The following PALD1 variants were observed in gnomAD, a reference collection of about 807,000 sequenced individuals.
PALD1 encodes paladin.
In PALD1, 57 loss-of-function variants were observed where a neutral mutation model predicts 96.0. The observed-to-expected ratio is 0.59, with a 90% confidence interval of 0.48 to 0.74. The LOEUF is 0.74. PALD1 is among the 30% of genes least tolerant of loss of function. PALD1 has a pLI of 0.00. For synonymous variants in PALD1, 464 were observed against 473.6 expected (o/e 0.98, Z 0.26); for missense variants, 1,063 against 1,143.7 (o/e 0.93, Z 1.02).
At chr10:70,529,812 A>G (rs1450712726) in intron 3 of PALD1, 77 bp from the exon 4 acceptor site, 2 of 1,319,414 alleles carry the variant, frequency 1.5e-6, no homozygotes, top group Non-Finnish European at 2.1e-6. Flanking sequence ...TGTCCCCTGG[A>G]GCCCAGGACA....
At chr10:70,534,993 T>C (rs1455565106) in intron 10 of PALD1, 150 bp downstream of exon 10, 14 of 641,894 alleles carry the variant, frequency 2.2e-5, no homozygotes, top group Middle Eastern at 3.6e-4. Context: ...GAAGGGGAGA[T>C]AGGGGCTCTG....
At chr10:70,543,988 C>T (rs957330820) in intron 17 of PALD1, among the ~76,000 whole-genome samples, 11 of 152,154 alleles carry the variant, frequency 7.2e-5, no homozygotes, top group African/African-American at 2.7e-4. Flanking sequence ...ATCATATGAC[C>T]TGAAGACACC....
intron 18 of PALD1, among the ~76,000 whole-genome samples, chr10:70,549,833 A>G (rs1261294868): frequency 6.6e-6 from 1 of 152,144 alleles, no homozygotes; most frequent in Non-Finnish European, 1.5e-5. Flanking sequence ...AGAGGTGGTC[A>G]CTCTGGCTGC....
intron 1 of PALD1, among the ~76,000 whole-genome samples, chr10:70,481,563 G>C (rs988719417): frequency 1.3e-5 from 2 of 152,238 alleles, no homozygotes; most frequent in African/African-American, 4.8e-5. Flanking sequence ...TGGATCTCCA[G>C]AGGCTTCCTG....
At chr10:70,520,647 A>G (rs1846711321) in intron 1 of PALD1, among the ~76,000 whole-genome samples, 2 of 150,954 alleles carry the variant, frequency 1.3e-5, no homozygotes, top group Middle Eastern at 3.5e-3. Context: ...CTCTCTGCCA[A>G]GGACTCCATA....
rs45576535 is a variant in PALD1 at position 70,538,924 on chromosome 10, C to T, written c.1485C>T (p.Leu495=). 16,053 of 1,613,700 alleles carry T rather than the reference C, an allele frequency of 9.9e-3. 122 individuals are homozygous for T. Among genetic ancestry groups the T allele is most frequent in the African/African-American group, 0.033 (2,486 of 75,078 alleles). ...REDDLVSPDA[L]STVREMDVAN... is the part of the protein sequence containing the mutation. ...ACGATCTGGTCTCCCCGGACGCGCT[C>T]AGCACTGTCAGAGAGATGGATGTGG... Residue 495 remains leucine (L), a synonymous_variant, in exon 13 of 20, where the codon CTC becomes CTT. Transcript: ENST00000263563.
At chr10:70,547,547 TA>T in intron 18 of PALD1, 101 bp downstream of exon 18, 1 of 791,852 alleles carries the variant, frequency 1.3e-6, no homozygotes, top group Non-Finnish European at 1.9e-6. Flanking sequence ...CTAGGGGTCC[TA>T]GGGGCCCCTC....
chr10:70,537,791 C>T lies in PALD1; in HGVS notation c.1228-20C>T, dbSNP rs1847144572. On this transcript the variant is annotated intron_variant, in intron 10 of 19. Transcript: ENST00000263563. ...GACTGCCTGAGGAGTCTGTCCTTAACACCCTGTCCTCTCTCTCAGGGAAGC... is the reference window on the plus strand; with the variant it reads ...GACTGCCTGAGGAGTCTGTCCTTAATACCCTGTCCTCTCTCTCAGGGAAGC... The T allele has an allele frequency of 1.3e-6, 2 of 1,571,024 alleles. No individual in the cohort carries two copies. Among genetic ancestry groups the T allele is most frequent in the African/African-American group, 1.3e-5 (1 of 74,320 alleles).
chr10:70,475,784 C>T (rs527781746), upstream of PALD1, among the ~76,000 whole-genome samples: 132 of 152,102 alleles, frequency 8.7e-4, no homozygotes, highest in African/African-American at 3.0e-3. Context: ...AGCACCAGCA[C>T]CTTGCTTGGG....
chr10:70,563,518 GC>G (rs1430276945), intron 18 of PALD1, among the ~76,000 whole-genome samples: 1 of 152,184 alleles, frequency 6.6e-6, no homozygotes, highest in Non-Finnish European at 1.5e-5. Flanking sequence ...ATGCCCCACA[GC>G]CTCCCCTGCA....
rs1043035625 is a variant in PALD1, at chr10:70,567,768, A to C, written c.*1035A>C. 4 of 152,448 alleles carry C rather than the reference A, an allele frequency of 2.6e-5. No individual in the cohort carries two copies. The highest frequency in any genetic ancestry group is 9.7e-5 in the African/African-American group (4 of 41,392). 9.4% of individuals were successfully genotyped at this position (152,448 alleles called of 1,614,324 possible). A position where few individuals can be genotyped will look rare whatever the true frequency, so the allele number is the denominator to read the frequency against. Reference sequence around the variant, plus strand: ...TTCCGGTGGGAGCAGAAAAGGCCAGACCCTGCTGAGTTAGAGGCTGCTGGG... The same window carrying C: ...TTCCGGTGGGAGCAGAAAAGGCCAGCCCCTGCTGAGTTAGAGGCTGCTGGG... On this transcript the variant is annotated 3_prime_UTR_variant, in exon 20 of 20. Transcript: ENST00000263563.
rs977193423 is a variant in PALD1, at chr10:70,564,280, G to A, written c.2263-84G>A. 2.7e-5 allele frequency: 37 copies of A among 1,368,514 alleles called. No individual in the cohort carries two copies. In the African/African-American group the frequency reaches 4.8e-4, roughly 18 times the overall value. The allele number at this position is 1,368,514 out of a possible 1,614,324, so 84.8% of individuals were successfully genotyped here. On this transcript the variant is annotated intron_variant, in intron 18 of 19. Coordinates refer to ENST00000263563, the MANE Select transcript of PALD1 (RefSeq NM_014431.3). Reference sequence around the variant, plus strand: ...TCTGAGGCTGGATCACCCTGCCCTGGCACTCAGGGCAGCAGGGTGGCATGT... The same window carrying A: ...TCTGAGGCTGGATCACCCTGCCCTGACACTCAGGGCAGCAGGGTGGCATGT...
At chr10:70,549,995 C>CCT (rs1278046614) in intron 18 of PALD1, among the ~76,000 whole-genome samples, 1 of 152,212 alleles carries the variant, frequency 6.6e-6, no homozygotes, top group East Asian at 1.9e-4. Context: ...CCCCAAGGCC[C>CCT]CTTGGAGGGC....
At chr10:70,534,630 T>A in intron 9 of PALD1, 106 bp downstream of exon 9, 1 of 1,156,676 alleles carries the variant, frequency 8.6e-7, no homozygotes. Context: ...CCTACCTCTC[T>A]GCCAATCTTT....
chr10:70,519,879 A>G (rs1378775924), intron 1 of PALD1, among the ~76,000 whole-genome samples: 1 of 151,362 alleles, frequency 6.6e-6, no homozygotes, highest in African/African-American at 2.5e-5. Context: ...CCAGCCTGGG[A>G]TTAGGATTTT....
At chr10:70,537,726 G>A in intron 10 of PALD1, 85 bp from the exon 11 acceptor site, 1 of 871,448 alleles carries the variant, frequency 1.1e-6, no homozygotes, top group South Asian at 1.5e-5. Flanking sequence ...GGAGTTCCAA[G>A]GCTTAACTCC....
At chr10:70,561,993 G>C (rs1283335834) in intron 18 of PALD1, among the ~76,000 whole-genome samples, 2 of 152,240 alleles carry the variant, frequency 1.3e-5, no homozygotes, top group Non-Finnish European at 2.9e-5. Flanking sequence ...TGCATCCCCA[G>C]TATGTGGCTT....
Position 70,539,165 on chromosome 10 carries a change from G to T in PALD1, c.1643G>T (p.Arg548Leu), listed in dbSNP as rs370353917. The T allele has an allele frequency of 6.2e-7, 1 of 1,613,252 alleles. No homozygotes were observed. The highest frequency in any genetic ancestry group is 8.5e-7 in the Non-Finnish European group (1 of 1,179,732). ...RLRKVVWVSL[R>L]EEAVLECDGH... ...CGGAAGGTTGTCTGGGTGAGCCTTC[G>T]GGAGGAGGCCGTGTTGGAGTGTGAC... Residue 548 changes from arginine (R) to leucine (L), a missense_variant, in exon 14 of 20, where the codon CGG becomes CTG. By Grantham distance (102) the Arg-to-Leu change is moderately radical. Coordinates refer to ENST00000263563, the MANE Select transcript of PALD1 (RefSeq NM_014431.3). This position sits in a 1 kb window ranked among gnomAD's most constrained non-coding sequence, Gnocchi z 4.5.
In PALD1 at chr10:70,507,807, C is replaced by T. The variant is rs531252216; in HGVS notation, c.-29-18116C>T. 8.8e-5 allele frequency among the ~76,000 whole-genome samples: 13 copies of T among 147,138 alleles called. No homozygotes were observed. In the South Asian group the frequency reaches 1.3e-3, roughly 15 times the overall value. ...TGTGTGTGTGGTGTATGTATGTGTTCGTAGAGATGAGGTCTCACCATCTTG... is the reference window on the plus strand; with the variant it reads ...TGTGTGTGTGGTGTATGTATGTGTTTGTAGAGATGAGGTCTCACCATCTTG... On this transcript the variant is annotated intron_variant, in intron 1 of 19. Transcript: ENST00000263563.
Sources: allele counts gnomAD v4.1 joint callset (sites outside exome capture counted in the v4.1 genomes callset), GRCh38; gene constraint gnomAD v4.1.1; non-coding constraint Gnocchi (gnomAD v3.1); transcripts MANE v1.5; gene names NCBI Gene and HGNC (gene_info 2026-07-23, HGNC 2026-07-21).